Variants in PTPRD observed in about 807,000 individuals in gnomAD.
The protein encoded by PTPRD is receptor-type tyrosine-protein phosphatase delta.
PTPRD carries 34 observed loss-of-function variants against 214.5 expected under a neutral mutation model. The observed-to-expected ratio is 0.16, with a 90% CI of 0.12 to 0.21. The LOEUF is 0.21. Among genes scored for constraint, PTPRD ranks in the 10% least tolerant of loss-of-function variants. The pLI is 1.00. For synonymous variants in PTPRD, 1,128 were observed against 845.7 expected (o/e 1.33, Z -5.79); for missense variants, 2,545 against 2,398.7 (o/e 1.06, Z -1.27).
chr9:8,451,342 C>T (rs977346242), intron 33 of PTPRD, among the ~76,000 whole-genome samples: 8 of 152,242 alleles, frequency 5.3e-5, no homozygotes, highest in African/African-American at 1.9e-4. Context: ...AAATGTGCTG[C>T]CAACCCATTC....
chr9:8,661,945 T>G (rs558717072), intron 12 of PTPRD, among the ~76,000 whole-genome samples: 91 of 152,318 alleles, frequency 6.0e-4, no homozygotes, highest in African/African-American at 2.1e-3. Context: ...CATTCATTCA[T>G]TCATTCACTC....
chr9:8,763,745 A>C (rs2094544560), intron 11 of PTPRD, among the ~76,000 whole-genome samples: 1 of 151,756 alleles, frequency 6.6e-6, no homozygotes, highest in African/African-American at 2.4e-5. Context: ...CGTTTTCTAG[A>C]AGAGAATGAT....
chr9:9,284,150 G>A (rs1018738033), intron 9 of PTPRD, among the ~76,000 whole-genome samples: 9 of 151,570 alleles, frequency 5.9e-5, no homozygotes, highest in African/African-American at 1.2e-4. Flanking sequence ...TTAATTAAAC[G>A]TAAAATAATT....
intron 3 of PTPRD, among the ~76,000 whole-genome samples, chr9:10,310,285 T>C (rs987717963): frequency 3.3e-5 from 5 of 152,076 alleles, no homozygotes; most frequent in Non-Finnish European, 7.4e-5. Context: ...AGATTGTTCA[T>C]TAATGTACAT....
At chr9:10,147,396 C>T (rs1421598414) in intron 3 of PTPRD, among the ~76,000 whole-genome samples, 3 of 152,016 alleles carry the variant, frequency 2.0e-5, no homozygotes, top group Non-Finnish European at 4.4e-5. Context: ...CACATGCACA[C>T]GTATGTTTAT....
intron 5 of PTPRD, among the ~76,000 whole-genome samples, chr9:9,933,988 T>C (rs1156977520): frequency 6.8e-6 from 1 of 146,628 alleles, no homozygotes; most frequent in Admixed American, 6.7e-5. Flanking sequence ...ACTGGGTACA[T>C]AATGAAATGA....
At chr9:8,386,335 T>C (rs1330285536) in intron 37 of PTPRD, among the ~76,000 whole-genome samples, 1 of 152,232 alleles carries the variant, frequency 6.6e-6, no homozygotes, top group African/African-American at 2.4e-5. Flanking sequence ...TTCTCTTCTC[T>C]TTCCTTTTCT....
intron 8 of PTPRD, among the ~76,000 whole-genome samples, chr9:9,512,385 T>G (rs889781314): frequency 6.6e-6 from 1 of 151,838 alleles, no homozygotes; most frequent in African/African-American, 2.4e-5. Context: ...ATAATCTTTT[T>G]AAAGAGATAA....
intron 7 of PTPRD, among the ~76,000 whole-genome samples, chr9:9,617,641 T>G (rs1050875997): frequency 2.0e-5 from 3 of 152,090 alleles, no homozygotes; most frequent in Admixed American, 6.5e-5. Flanking sequence ...GGGAATACAC[T>G]AAGGATTTCT....
intron 39 of PTPRD, among the ~76,000 whole-genome samples, chr9:8,358,052 T>C (rs1185019510): frequency 6.6e-6 from 1 of 152,202 alleles, no homozygotes; most frequent in Non-Finnish European, 1.5e-5. Context: ...TCTTGCATGG[T>C]ATGACTCCTG....
chr9:9,655,280 A>T (rs972166201), intron 7 of PTPRD, among the ~76,000 whole-genome samples: 33 of 152,326 alleles, frequency 2.2e-4, no homozygotes, highest in Admixed American at 1.0e-3. Context: ...TGATTAAAAA[A>T]TGCTCAAGGC....
intron 2 of PTPRD, among the ~76,000 whole-genome samples, chr9:10,610,159 G>T (rs1208440365): frequency 1.3e-5 from 2 of 152,012 alleles, no homozygotes; most frequent in Non-Finnish European, 2.9e-5. Flanking sequence ...AGAGCTGGTG[G>T]CCAAAAAGGT....
At chr9:9,755,289 C>T (rs1225929711) in intron 6 of PTPRD, among the ~76,000 whole-genome samples, 2 of 151,898 alleles carry the variant, frequency 1.3e-5, no homozygotes, top group Non-Finnish European at 1.5e-5. Flanking sequence ...ACTGAGTATG[C>T]TACCTTTTGT....
chr9:10,420,025 A>G (rs1238377879), intron 2 of PTPRD, among the ~76,000 whole-genome samples: 1 of 151,808 alleles, frequency 6.6e-6, no homozygotes, highest in Admixed American at 6.6e-5. Flanking sequence ...ACTGCTCTCG[A>G]TGTCTTTATA....
intron 2 of PTPRD, among the ~76,000 whole-genome samples, chr9:10,539,229 G>C (rs1339675192): frequency 6.6e-6 from 1 of 152,158 alleles, no homozygotes; most frequent in Non-Finnish European, 1.5e-5. Flanking sequence ...CTGTTGCCCA[G>C]GTTGGAGTGC....
chr9:8,344,414 C>T (rs1451183101), intron 39 of PTPRD, among the ~76,000 whole-genome samples: 1 of 151,792 alleles, frequency 6.6e-6, no homozygotes. Flanking sequence ...GTAGGAATAA[C>T]TCCAACTCTA....
intron 14 of PTPRD, among the ~76,000 whole-genome samples, chr9:8,539,011 T>C (rs569238089): frequency 1.3e-5 from 2 of 151,748 alleles, no homozygotes; most frequent in East Asian, 3.9e-4. Flanking sequence ...TATAAGAAAA[T>C]ACTCAAAGAA....
chr9:9,020,268 T>C (rs1359257613), intron 10 of PTPRD, among the ~76,000 whole-genome samples: 1 of 152,144 alleles, frequency 6.6e-6, no homozygotes, highest in African/African-American at 2.4e-5. Context: ...ATGTAGAGCA[T>C]GAAATGCATG....
Position 9,118,818 on chromosome 9 carries a change from A to G in PTPRD, c.-143+64486T>C, listed in dbSNP as rs888983722. Reference sequence around the variant, plus strand: ...CAGTGAAGGATGAAGTACTTATTCTACCTTAAAGTAAATAATAAGAGCATT... The same window carrying G: ...CAGTGAAGGATGAAGTACTTATTCTGCCTTAAAGTAAATAATAAGAGCATT... On this transcript the variant is annotated intron_variant, in intron 10 of 45. Coordinates refer to ENST00000381196, the MANE Select transcript of PTPRD (RefSeq NM_002839.4). 5.9e-5 allele frequency among the ~76,000 whole-genome samples: 9 copies of G among 152,256 alleles called. No homozygotes were observed. The South Asian group carries it at 1.9e-3, about 32-fold the overall frequency.
Sources: gnomAD v4.1 joint callset for allele counts (sites outside exome capture counted in the v4.1 genomes callset) on GRCh38, gnomAD v4.1.1 for gene constraint, MANE v1.5 for transcripts, NCBI Gene and HGNC (gene_info 2026-07-23, HGNC 2026-07-21) for gene names.